Variants in DRC2 observed in about 807,000 individuals in gnomAD.
DRC2 encodes the protein dynein regulatory complex subunit 2.
chr12:48,915,866 TCTCCTCACTTCTCAGACGGGGCGGC>T, the DRC2 span, among the ~76,000 whole-genome samples: 10 of 128,594 alleles, frequency 7.8e-5, no homozygotes, highest in East Asian at 4.7e-4. Context: ...GGGCGGAGGG[TCTCCTCACTTCTCAGACGGGGCGGC>T]TGGGCAGAGA....
At chr12:48,916,342 A>C in the DRC2 span, among the ~76,000 whole-genome samples, 2 of 152,334 alleles carry the variant, frequency 1.3e-5, no homozygotes, top group East Asian at 1.9e-4. Context: ...CTCCGTCTGC[A>C]ATCCCGGCAC....
At chr12:48,914,179 T>C in the DRC2 span, among the ~76,000 whole-genome samples, 1 of 151,984 alleles carries the variant, frequency 6.6e-6, no homozygotes, top group East Asian at 1.9e-4. Flanking sequence ...GCTCATGTAA[T>C]CCTCCCACCT....
chr12:48,920,958 T>C, the DRC2 span: 11 of 1,613,222 alleles, frequency 6.8e-6, no homozygotes, highest in Non-Finnish European at 9.3e-6. Flanking sequence ...CTTGCTGAAA[T>C]ATGTAGGAAA....
chr12:48,917,243 G>A, the DRC2 span: 2 of 969,328 alleles, frequency 2.1e-6, no homozygotes, highest in Non-Finnish European at 3.1e-6. Flanking sequence ...TTGAGACTGG[G>A]AGTTCAAGAC....
At chr12:48,919,244 T>A in the DRC2 span, among the ~76,000 whole-genome samples, 3 of 149,822 alleles carry the variant, frequency 2.0e-5, no homozygotes, top group Admixed American at 2.0e-4. Context: ...TTCTTTTTGG[T>A]GAGACAGGGT....
At chr12:48,917,043 T>C in the DRC2 span, 1 of 1,614,130 alleles carries the variant, frequency 6.2e-7, no homozygotes, top group Non-Finnish European at 8.5e-7. Context: ...GGAGCAGAAC[T>C]ATATAGATTC....
the DRC2 span, chr12:48,904,290 GCCGAGGCAGA>G: frequency 6.3e-7 from 1 of 1,590,624 alleles, no homozygotes; most frequent in Non-Finnish European, 8.5e-7. Flanking sequence ...TGTAACGCGG[GCCGAGGCAGA>G]CCGAGGCTTC....
At chr12:48,915,651 C>G in the DRC2 span, among the ~76,000 whole-genome samples, 21 of 152,116 alleles carry the variant, frequency 1.4e-4, no homozygotes, top group African/African-American at 4.1e-4. Context: ...GGGGTGGTGG[C>G]CGGGCAGAGG....
At chr12:48,920,439 C>CT in the DRC2 span, among the ~76,000 whole-genome samples, 5,982 of 23,772 alleles carry the variant, frequency 0.25, 1,318 homozygotes, top group Middle Eastern at 0.43. Context: ...GAAACTCCAT[C>CT]TTAAAAAAAA....
the DRC2 span, chr12:48,904,247 T>C: frequency 6.6e-7 from 1 of 1,505,290 alleles, no homozygotes; most frequent in South Asian, 1.3e-5. Context: ...CTTCTGGAAG[T>C]CCCCTTTCTA....
the DRC2 span, chr12:48,921,056 G>A: frequency 6.2e-7 from 1 of 1,612,544 alleles, no homozygotes; most frequent in Non-Finnish European, 8.5e-7. Context: ...GAATAATCTA[G>A]AAGAGCTTAC....
the DRC2 span, among the ~76,000 whole-genome samples, chr12:48,915,200 G>T: frequency 0.024 from 3,601 of 150,110 alleles, 151 homozygotes; most frequent in African/African-American, 0.082. Context: ...TGGAGGGAAG[G>T]TCAGCAGATA....
the DRC2 span, chr12:48,904,994 A>G: frequency 6.2e-7 from 1 of 1,613,962 alleles, no homozygotes; most frequent in Non-Finnish European, 8.5e-7. Flanking sequence ...CCTTAATAAG[A>G]TTAACACACA....
the DRC2 span, chr12:48,921,097 A>T: frequency 0.033 from 52,802 of 1,610,076 alleles, 1,063 homozygotes; most frequent in South Asian, 0.04. Flanking sequence ...AGCCCGGGGG[A>T]TGGTGGGGCA....
chr12:48,904,167 T>C, the DRC2 span: 1 of 813,940 alleles, frequency 1.2e-6, no homozygotes, highest in Non-Finnish European at 1.9e-6. Context: ...TCAGCCTCAC[T>C]GATAGCCGGG....
At chr12:48,915,890 G>A in the DRC2 span, among the ~76,000 whole-genome samples, 1 of 150,694 alleles carries the variant, frequency 6.6e-6, no homozygotes, top group East Asian at 2.0e-4. Flanking sequence ...AGACGGGGCG[G>A]CTGGGCAGAG....
At chr12:48,904,439 A>G in the DRC2 span, 1 of 1,613,940 alleles carries the variant, frequency 6.2e-7, no homozygotes, top group Non-Finnish European at 8.5e-7. Context: ...GGCCAAAAAG[A>G]AGGAGAGGCT....
chr12:48,909,798 C>T, the DRC2 span, among the ~76,000 whole-genome samples: 132,918 of 147,760 alleles, frequency 0.9, 60,782 homozygotes, highest in East Asian at 1. Flanking sequence ...TTTTTTTTCC[C>T]GAGACGGAGT....
chr12:48,905,057 G>C, the DRC2 span: 1 of 1,613,998 alleles, frequency 6.2e-7, no homozygotes, highest in Non-Finnish European at 8.5e-7. Context: ...TAAGGACATT[G>C]AGATCCTCAG....
Sources: gnomAD v4.1 joint callset for allele counts (sites outside exome capture counted in the v4.1 genomes callset) on GRCh38, gnomAD v4.1.1 for gene constraint, MANE v1.5 for transcripts, NCBI Gene and HGNC (gene_info 2026-07-23, HGNC 2026-07-21) for gene names.